DLGAP2: variants seen among roughly 807,000 people sequenced by gnomAD.
DLGAP2 encodes the protein disks large-associated protein 2.
Under a neutral mutation model 100.3 loss-of-function variants are expected in DLGAP2, and 26 were observed. That is an observed-to-expected ratio of 0.26 (90% CI 0.19 to 0.36). The LOEUF (loss-of-function observed/expected upper bound fraction) is 0.36, where lower values mean the gene tolerates loss of function less well. DLGAP2 is among the 10% of genes least tolerant of loss of function. DLGAP2 has a pLI of 1.00. For synonymous variants in DLGAP2, 886 were observed against 630.1 expected, an observed-to-expected ratio of 1.41 and a Z score of -6.08; for missense variants, 1,858 against 1,453.2, an observed-to-expected ratio of 1.28 and a Z score of -4.53.
chr8:902,285 G>T (rs1393056651), intron 1 of DLGAP2, among the ~76,000 whole-genome samples: 2 of 152,024 alleles, frequency 1.3e-5, no homozygotes, highest in African/African-American at 4.8e-5. Flanking sequence ...ATCTGGCACA[G>T]AGCGGACGTG....
intron 3 of DLGAP2, among the ~76,000 whole-genome samples, chr8:1,338,699 A>G (rs1189845891): frequency 6.6e-6 from 1 of 152,236 alleles, no homozygotes; most frequent in Admixed American, 6.5e-5. Flanking sequence ...CAGTATCAGG[A>G]GCATACGGTC....
At chr8:1,579,524 G>GAGAA (rs138405413) in intron 6 of DLGAP2, among the ~76,000 whole-genome samples, 3,550 of 151,988 alleles carry the variant, frequency 0.023, 117 homozygotes, top group African/African-American at 0.073. Flanking sequence ...ATAAAAACCT[G>GAGAA]AGAGTTTTTC....
intron 2 of DLGAP2, among the ~76,000 whole-genome samples, chr8:1,178,076 C>A (rs898181225): frequency 1.3e-5 from 2 of 152,328 alleles, no homozygotes; most frequent in Non-Finnish European, 2.9e-5. Context: ...ACACGGTGCT[C>A]TGGGACCTGA....
At chr8:1,346,605 G>C (rs530690722) in intron 3 of DLGAP2, among the ~76,000 whole-genome samples, 1 of 151,534 alleles carries the variant, frequency 6.6e-6, no homozygotes, top group South Asian at 2.1e-4. Flanking sequence ...TCTCATGGTA[G>C]CTGTGTGGAG....
In DLGAP2 at chr8:1,302,284, C is replaced by G. The variant is rs368254903; in HGVS notation, c.106+43401C>G. On this transcript the variant is annotated intron_variant, in intron 3 of 14. Coordinates refer to ENST00000637795, the MANE Select transcript of DLGAP2 (RefSeq NM_001346810.2). ...GTGAGTTCCCGAGCTCTGCTCCACA[C>G]CTGGGACCGGACTCGGAATTTTCTG... 3.9e-4 allele frequency: 50 copies of G among 129,572 alleles called. 3 individuals are homozygous for G. The East Asian group carries it at 9.3e-3, about 24-fold the overall frequency. The allele number at this position is 129,572 out of a possible 1,614,324, so 8.0% of individuals were successfully genotyped here. A position where few individuals can be genotyped will look rare whatever the true frequency, so the allele number is the denominator to read the frequency against.
At chr8:1,368,257 T>C (rs1016034412) in intron 3 of DLGAP2, among the ~76,000 whole-genome samples, 2 of 152,116 alleles carry the variant, frequency 1.3e-5, no homozygotes, top group Non-Finnish European at 2.9e-5. Context: ...AGCATGTGTG[T>C]GCGTGTGTGC....
intron 3 of DLGAP2, among the ~76,000 whole-genome samples, chr8:1,337,183 G>A (rs1181827905): frequency 7.2e-6 from 1 of 139,022 alleles, no homozygotes; most frequent in Non-Finnish European, 1.5e-5. Context: ...TGATGATGGT[G>A]GTGGTGAGAA....
intron 3 of DLGAP2, among the ~76,000 whole-genome samples, chr8:1,443,038 G>C (rs1413695526): frequency 3.3e-5 from 5 of 152,140 alleles, no homozygotes; most frequent in Non-Finnish European, 7.3e-5. Flanking sequence ...TTAACATTTA[G>C]TGCATTTCTC....
At chr8:1,213,379 A>G (rs868611383) in intron 2 of DLGAP2, among the ~76,000 whole-genome samples, 4 of 144,904 alleles carry the variant, frequency 2.8e-5, no homozygotes, top group South Asian at 2.1e-4. Flanking sequence ...TATTGCAATG[A>G]TAATCCAGTA....
chr8:1,125,178 A>T (rs1332370961), intron 2 of DLGAP2, among the ~76,000 whole-genome samples: 2 of 152,238 alleles, frequency 1.3e-5, no homozygotes, highest in Admixed American at 1.3e-4. Context: ...TGCATTGACA[A>T]AATGAGATAC....
chr8:755,109 C>G (rs940430268), intron 1 of DLGAP2, among the ~76,000 whole-genome samples: 1 of 152,084 alleles, frequency 6.6e-6, no homozygotes, highest in African/African-American at 2.4e-5. Context: ...GTGTCCCTCA[C>G]TGGGTTTGGC....
intron 2 of DLGAP2, among the ~76,000 whole-genome samples, chr8:932,360 T>C (rs1428952745): frequency 6.6e-6 from 1 of 152,228 alleles, no homozygotes; most frequent in African/African-American, 2.4e-5. Flanking sequence ...TTTCTTCTTA[T>C]GATTTGTAAA....
chr8:1,386,366 C>A (rs1257070935), intron 3 of DLGAP2, among the ~76,000 whole-genome samples: 1 of 152,302 alleles, frequency 6.6e-6, no homozygotes, highest in Middle Eastern at 3.4e-3. Context: ...TGGAAAACTC[C>A]CATACACCAG....
chr8:1,075,761 G>T (rs1398700676), intron 2 of DLGAP2, among the ~76,000 whole-genome samples: 12 of 151,990 alleles, frequency 7.9e-5, no homozygotes, highest in Non-Finnish European at 1.8e-4. Context: ...ATGAGCAGAT[G>T]GTTCTTTGTA....
At chr8:852,834 G>A (rs994944918) in intron 1 of DLGAP2, among the ~76,000 whole-genome samples, 13 of 152,204 alleles carry the variant, frequency 8.5e-5, no homozygotes, top group African/African-American at 2.7e-4. Flanking sequence ...AATTACTGTT[G>A]CTTCACAAAA....
chr8:816,787 T>G (rs552967930), intron 1 of DLGAP2, among the ~76,000 whole-genome samples: 2 of 152,320 alleles, frequency 1.3e-5, no homozygotes, highest in African/African-American at 4.8e-5. Context: ...ACAGGAAGTT[T>G]TCTTTGATTG....
intron 3 of DLGAP2, among the ~76,000 whole-genome samples, chr8:1,319,524 T>C: frequency 6.6e-6 from 1 of 152,182 alleles, no homozygotes; most frequent in Non-Finnish European, 1.5e-5. Context: ...GTGTTCATTA[T>C]GGGAATACAG....
intron 2 of DLGAP2, among the ~76,000 whole-genome samples, chr8:935,896 G>A (rs1472044698): frequency 1.3e-5 from 2 of 152,116 alleles, no homozygotes; most frequent in East Asian, 3.8e-4. Flanking sequence ...ATCAATTATT[G>A]TTCATATTTG....
In DLGAP2 at chr8:1,417,733, A is replaced by G. The variant is rs1273628142; in HGVS notation, c.107-83633A>G. 2.9e-4 allele frequency among the ~76,000 whole-genome samples: 43 copies of G among 146,404 alleles called. 1 individual carries two copies. Among genetic ancestry groups the G allele is most frequent in the African/African-American group, 5.9e-4 (24 of 40,578 alleles). On this transcript the variant is annotated intron_variant, in intron 3 of 14. Transcript: ENST00000637795. ...TCACTCGGCGAGGCTCCAGACACAG[A>G]AGCCCACGGAGACCTATGAACGGAC...
Sources: gnomAD v4.1 joint callset for allele counts (sites outside exome capture counted in the v4.1 genomes callset) on GRCh38, gnomAD v4.1.1 for gene constraint, MANE v1.5 for transcripts, NCBI Gene and HGNC (gene_info 2026-07-23, HGNC 2026-07-21) for gene names.